NPHP1: variants seen among roughly 807,000 people sequenced by gnomAD.
NPHP1 encodes the protein nephrocystin-1.
Under a neutral mutation model 90.4 loss-of-function variants are expected in NPHP1, and 70 were observed. That is an observed-to-expected ratio of 0.77 (90% CI 0.64 to 0.95). The LOEUF (loss-of-function observed/expected upper bound fraction) is 0.95, where lower values mean the gene tolerates loss of function less well. Ranked by LOEUF, NPHP1 falls within the 40% of genes least tolerant of loss-of-function variation. The pLI is 0.00. For synonymous variants in NPHP1, 256 were observed against 271.7 expected, an observed-to-expected ratio of 0.94 and a Z score of 0.57; for missense variants, 764 against 795.9, an observed-to-expected ratio of 0.96 and a Z score of 0.48.
At chr2:110,167,883 T>C (rs1682827744) in intron 6 of NPHP1, among the ~76,000 whole-genome samples, 2 of 152,144 alleles carry the variant, frequency 1.3e-5, no homozygotes, top group South Asian at 4.1e-4. Context: ...ATATTTGGTG[T>C]CAGAGAAAAA....
intron 5 of NPHP1, among the ~76,000 whole-genome samples, chr2:110,169,239 A>G (rs1682939910): frequency 6.6e-6 from 1 of 152,166 alleles, no homozygotes; most frequent in South Asian, 2.1e-4. Flanking sequence ...TATGTATTTT[A>G]TTATTAATCA....
chr2:110,197,911 AC>A (rs1483971293), intron 2 of NPHP1, among the ~76,000 whole-genome samples: 5 of 152,206 alleles, frequency 3.3e-5, no homozygotes, highest in Admixed American at 3.3e-4. Flanking sequence ...ATTACTTATT[AC>A]AATTACCTCC....
intron 2 of NPHP1, chr2:110,184,294 T>C (rs974325460): frequency 1.3e-5 from 8 of 598,944 alleles, no homozygotes; most frequent in Non-Finnish European, 2.6e-5. Context: ...CATGGCATTG[T>C]CAAGGACTGG....
At position 110,170,052 on chromosome 2, in the gene NPHP1, C is replaced by T. The variant is rs963491727; in HGVS notation, c.330-54G>A. The T allele has an allele frequency of 1.9e-5, 30 of 1,607,912 alleles. 1 individual carries two copies. The East Asian group carries it at 6.7e-4, about 36-fold the overall frequency. On this transcript the variant is annotated intron_variant, in intron 4 of 19. Coordinates refer to ENST00000445609, the MANE Select transcript of NPHP1 (RefSeq NM_001128178.3). ...CTTGAAATAATATACAAGAACAGAC[C>T]AGCTATGAGTGTAACTTCTACATAT...
rs1028613723 is a variant in NPHP1 at position 110,160,133 on chromosome 2, A to G, written c.1077T>C (p.Gly359=). The G allele has an allele frequency of 6.2e-7, 1 of 1,612,888 alleles. No homozygotes were observed. The highest frequency in any genetic ancestry group is 1.3e-5 in the African/African-American group (1 of 74,876). The change falls in exon 11 of 20, where the codon GGT becomes GGC. Residue 359 remains glycine, a synonymous_variant. Coordinates refer to ENST00000445609, the MANE Select transcript of NPHP1 (RefSeq NM_001128178.3). Reference sequence around the variant, plus strand: ...TACTTCTCAGTAACCTTACCTTATTACCATCAAATAGACAGAGGCGTACAT... The same window carrying G: ...TACTTCTCAGTAACCTTACCTTATTGCCATCAAATAGACAGAGGCGTACAT... ...SRHVRLCLFD[G]NKVLSNIHTV...
intron 2 of NPHP1, among the ~76,000 whole-genome samples, chr2:110,198,898 A>G (rs1366297739): frequency 6.6e-6 from 1 of 152,144 alleles, no homozygotes; most frequent in East Asian, 1.9e-4. Context: ...CCTAATAAAG[A>G]AAACCGGCAA....
At chr2:110,148,838 T>C (rs7599788) in intron 12 of NPHP1, among the ~76,000 whole-genome samples, 58,714 of 152,030 alleles carry the variant, frequency 0.39, 12,090 homozygotes, top group East Asian at 0.58. Flanking sequence ...TTTCATTTAT[T>C]TTCTCTTTTG....
rs998559099 is a variant in NPHP1 at position 110,169,983 on chromosome 2, A to T, written c.345T>A (p.Thr115=). ...RENITEVGAP[T]EEEEESESED... ...CACTTTCACTTTCTTCCTCTTCTTCAGTAGGTGCCCCAACTCTACAAAAAG... is the reference window on the plus strand; with the variant it reads ...CACTTTCACTTTCTTCCTCTTCTTCTGTAGGTGCCCCAACTCTACAAAAAG... The change falls in exon 5 of 20, where the codon ACT becomes ACA. Residue 115 remains threonine (T), a synonymous_variant. Transcript: ENST00000445609. 5 of 1,612,224 alleles carry T rather than the reference A, an allele frequency of 3.1e-6. No homozygotes were observed. In the East Asian group the frequency reaches 1.1e-4, roughly 36 times the overall value.
At chr2:110,164,780 C>T in intron 7 of NPHP1, 50 bp from the exon 8 acceptor site, 2 of 1,439,852 alleles carry the variant, frequency 1.4e-6, no homozygotes, top group Non-Finnish European at 2.0e-6. Flanking sequence ...TGCCTATTCA[C>T]TCAATTAGGG....
At chr2:110,124,125 T>C (rs1163866467) in intron 19 of NPHP1, 62 bp from the exon 20 acceptor site, 5 of 1,595,710 alleles carry the variant, frequency 3.1e-6, no homozygotes, top group African/African-American at 1.3e-5. Context: ...TTCTGTGAAC[T>C]CTATTAACTA....
chr2:110,129,431 T>C (rs924397190), intron 17 of NPHP1, among the ~76,000 whole-genome samples, 172 bp from the exon 18 acceptor site: 1 of 152,196 alleles, frequency 6.6e-6, no homozygotes, highest in African/African-American at 2.4e-5. Flanking sequence ...CAACCTTCAT[T>C]TGCCCCTATA....
chr2:110,204,171 C>T (rs1409929390), intron 1 of NPHP1, among the ~76,000 whole-genome samples: 3 of 152,142 alleles, frequency 2.0e-5, no homozygotes, highest in African/African-American at 7.2e-5. Context: ...TATGTTACAC[C>T]TTGTCAAGCT....
Position 110,189,746 on chromosome 2 carries a change from T to C in NPHP1, c.144-10062A>G, listed in dbSNP as rs113977707. On this transcript the variant is annotated intron_variant, in intron 2 of 19. Coordinates refer to ENST00000445609, the MANE Select transcript of NPHP1 (RefSeq NM_001128178.3). The stretch of plus-strand genomic sequence containing the variant: ...ACTGGTGCGTTTACAATCCCTGAGC[T>C]AGACACAAAGGTTCTCCAGGTCCCC... 3.9e-5 allele frequency among the ~76,000 whole-genome samples: 6 copies of C among 152,226 alleles called. 1 individual carries two copies. The highest frequency in any genetic ancestry group is 1.4e-4 in the African/African-American group (6 of 41,544).
chr2:110,204,237 C>T (rs1233379783), intron 1 of NPHP1, among the ~76,000 whole-genome samples: 2 of 152,166 alleles, frequency 1.3e-5, no homozygotes, highest in African/African-American at 4.8e-5. Context: ...AATGTGCCTG[C>T]TTCATCACAC....
intron 1 of NPHP1, among the ~76,000 whole-genome samples, chr2:110,203,420 A>C (rs1685706914): frequency 6.6e-6 from 1 of 152,146 alleles, no homozygotes; most frequent in Non-Finnish European, 1.5e-5. Flanking sequence ...ATAAAAGTTG[A>C]AATTTTAAAA....
At chr2:110,164,857 C>G in intron 7 of NPHP1, 127 bp from the exon 8 acceptor site, 1 of 957,378 alleles carries the variant, frequency 1.0e-6, no homozygotes, top group Non-Finnish European at 1.7e-6. Context: ...CAGATGAAAA[C>G]GAGGTAGAGC....
In NPHP1 at chr2:110,146,788, T is replaced by C. The variant is rs1486296205; in HGVS notation, c.1317A>G (p.Lys439=). ...GELSCGWVFL[K]LFDASGVPIP... ...TAGGAACTCCACTGGCATCAAAAAG[T>C]TTAAGAAACACCCAGCCACAGCTTA... Residue 439 remains lysine, a synonymous_variant, in exon 14 of 20, where the codon AAA becomes AAG. Transcript: ENST00000445609. 1 of 1,613,472 alleles carries C rather than the reference T, an allele frequency of 6.2e-7. No homozygotes were observed. The highest frequency in any genetic ancestry group is 1.3e-5 in the African/African-American group (1 of 74,886).
At chr2:110,201,537 C>T (rs750110703) in intron 1 of NPHP1, 43 bp from the exon 2 acceptor site, 15 of 1,365,594 alleles carry the variant, frequency 1.1e-5, no homozygotes, top group African/African-American at 7.1e-5. Flanking sequence ...AATACCATAT[C>T]GCCTTAGGAA....
intron 17 of NPHP1, 76 bp downstream of exon 17, chr2:110,131,603 T>C (rs915669008): frequency 1.1e-5 from 9 of 842,150 alleles, no homozygotes; most frequent in African/African-American, 6.7e-5. Flanking sequence ...AAACAGAAGA[T>C]ACAAGATGGT....
Sources: allele counts gnomAD v4.1 joint callset (sites outside exome capture counted in the v4.1 genomes callset), GRCh38; gene constraint gnomAD v4.1.1; transcripts MANE v1.5; gene names NCBI Gene and HGNC (gene_info 2026-07-23, HGNC 2026-07-21).